PRIM2: variants seen among roughly 807,000 people sequenced by gnomAD.
PRIM2 encodes the protein DNA primase large subunit.
PRIM2 carries 39 observed loss-of-function variants against 67.3 expected under a neutral mutation model. The observed-to-expected ratio is 0.58, with a 90% CI of 0.45 to 0.76. The LOEUF is 0.76. PRIM2 is among the 30% of genes least tolerant of loss of function. PRIM2 has a pLI of 0.00. For missense variants in PRIM2, 398 were observed against 598.7 expected (o/e 0.66, Z 3.50); for synonymous variants, 143 against 198.7 (o/e 0.72, Z 2.36).
the PRIM2 span, among the ~76,000 whole-genome samples, chr6:57,284,382 G>A: frequency 5.3e-5 from 8 of 152,172 alleles, no homozygotes; most frequent in Middle Eastern, 3.2e-3. Flanking sequence ...CTGTTAAAAT[G>A]TGTTGTTAAA....
At chr6:57,267,602 A>G in the PRIM2 span, among the ~76,000 whole-genome samples, 1 of 151,870 alleles carries the variant, frequency 6.6e-6, no homozygotes, top group African/African-American at 2.4e-5. Flanking sequence ...CCAGGAAAAT[A>G]AAAAGCAGAA....
the PRIM2 span, among the ~76,000 whole-genome samples, chr6:57,306,291 G>T: frequency 6.6e-6 from 1 of 152,120 alleles, no homozygotes; most frequent in Non-Finnish European, 1.5e-5. Flanking sequence ...AAGTGAGAGG[G>T]CCAGACTAGT....
the PRIM2 span, among the ~76,000 whole-genome samples, chr6:57,299,757 C>G: frequency 6.6e-6 from 1 of 152,200 alleles, no homozygotes; most frequent in Non-Finnish European, 1.5e-5. Flanking sequence ...CACTTCTTTT[C>G]TCTTACATTT....
At chr6:57,240,337 G>A in the PRIM2 span, among the ~76,000 whole-genome samples, 2 of 152,238 alleles carry the variant, frequency 1.3e-5, no homozygotes, top group East Asian at 1.9e-4. Context: ...CTGACCTCAG[G>A]TGATCCTCCT....
At chr6:57,297,885 T>A in the PRIM2 span, among the ~76,000 whole-genome samples, 1 of 152,116 alleles carries the variant, frequency 6.6e-6, no homozygotes, top group African/African-American at 2.4e-5. Context: ...GCTCAAGAAC[T>A]ATCCCAGACA....
At chr6:57,266,861 A>G in the PRIM2 span, among the ~76,000 whole-genome samples, 19 of 152,192 alleles carry the variant, frequency 1.2e-4, no homozygotes, top group Non-Finnish European at 2.6e-4. Flanking sequence ...TAACGTCCAA[A>G]ATAATAAATG....
chr6:57,326,644 C>T (rs1767870422), intron 5 of PRIM2, among the ~76,000 whole-genome samples: 1 of 151,846 alleles, frequency 6.6e-6, no homozygotes, highest in African/African-American at 2.4e-5. Flanking sequence ...TTGCTTGAAC[C>T]CGGGAGGTGG....
chr6:57,399,543 T>C (rs1176502781), intron 7 of PRIM2, among the ~76,000 whole-genome samples: 4 of 152,204 alleles, frequency 2.6e-5, no homozygotes, highest in Non-Finnish European at 5.9e-5. Flanking sequence ...TATAATCCTT[T>C]GGATATATAC....
chr6:57,463,412 A>G (rs1344831991), intron 7 of PRIM2, among the ~76,000 whole-genome samples: 1 of 152,140 alleles, frequency 6.6e-6, no homozygotes, highest in Non-Finnish European at 1.5e-5. Flanking sequence ...GGATCACTTG[A>G]GCTTAGGAGA....
intron 11 of PRIM2, among the ~76,000 whole-genome samples, chr6:57,605,534 T>C (rs1776545091): frequency 1.3e-5 from 2 of 152,204 alleles, no homozygotes; most frequent in African/African-American, 4.8e-5. Flanking sequence ...CTTAGTCATT[T>C]CCTCTAGATT....
chr6:57,333,730 C>G (rs529493359), intron 5 of PRIM2, among the ~76,000 whole-genome samples: 2 of 151,760 alleles, frequency 1.3e-5, no homozygotes, highest in Non-Finnish European at 2.9e-5. Context: ...ACTGTTTTCT[C>G]AATTTTCTAT....
chr6:57,525,827 AT>A (rs1321034487), intron 8 of PRIM2, among the ~76,000 whole-genome samples: 1 of 152,176 alleles, frequency 6.6e-6, no homozygotes, highest in Non-Finnish European at 1.5e-5. Flanking sequence ...TCCCTGGACT[AT>A]GTCTGGATCC....
intron 10 of PRIM2, among the ~76,000 whole-genome samples, chr6:57,596,090 T>C (rs1776360746): frequency 6.6e-6 from 1 of 152,080 alleles, no homozygotes; most frequent in Non-Finnish European, 1.5e-5. Context: ...AGACCAAATA[T>C]TAGAACAGAA....
intron 7 of PRIM2, among the ~76,000 whole-genome samples, chr6:57,399,198 A>T (rs1770622844): frequency 6.6e-6 from 1 of 151,858 alleles, no homozygotes; most frequent in Admixed American, 6.6e-5. Context: ...CCATCCCCTG[A>T]CCCCACGACA....
the PRIM2 span, among the ~76,000 whole-genome samples, chr6:57,284,237 T>A: frequency 4.6e-5 from 7 of 152,182 alleles, no homozygotes; most frequent in African/African-American, 4.8e-5. Flanking sequence ...GGGTAAAATT[T>A]ATTGTACTTA....
chr6:57,288,919 G>A, the PRIM2 span, among the ~76,000 whole-genome samples: 2 of 152,112 alleles, frequency 1.3e-5, no homozygotes, highest in African/African-American at 2.4e-5. Context: ...ACAGCTCCTC[G>A]CCAGCAAGGG....
intron 5 of PRIM2, among the ~76,000 whole-genome samples, chr6:57,355,568 A>G (rs541957877): frequency 2.0e-5 from 3 of 152,246 alleles, no homozygotes; most frequent in African/African-American, 7.2e-5. Context: ...TGAAGACAGA[A>G]AACTATTTAT....
intron 5 of PRIM2, among the ~76,000 whole-genome samples, chr6:57,372,084 G>A (rs9475896): frequency 1.3e-5 from 2 of 152,064 alleles, no homozygotes; most frequent in Non-Finnish European, 2.9e-5. Flanking sequence ...TCTGTAATTT[G>A]TGCTCTGACC....
chr6:57,416,195 A>T (rs1771254317), intron 7 of PRIM2, among the ~76,000 whole-genome samples: 1 of 152,196 alleles, frequency 6.6e-6, no homozygotes, highest in Non-Finnish European at 1.5e-5. Context: ...CATGGGCAGC[A>T]GAATGGATAT....
Sources: gnomAD v4.1 joint callset for allele counts (sites outside exome capture counted in the v4.1 genomes callset) on GRCh38, gnomAD v4.1.1 for gene constraint, MANE v1.5 for transcripts, NCBI Gene and HGNC (gene_info 2026-07-23, HGNC 2026-07-21) for gene names.